Variants in PLCG2 observed in about 807,000 individuals in gnomAD.
PLCG2 encodes 1-phosphatidylinositol 4,5-bisphosphate phosphodiesterase gamma-2.
PLCG2 carries 69 observed loss-of-function variants against 175.6 expected under a neutral mutation model. That is an observed-to-expected ratio of 0.39 (90% CI 0.32 to 0.48). The LOEUF is 0.48. Among genes scored for constraint, PLCG2 ranks in the 20% least tolerant of loss-of-function variants. The pLI, the probability that PLCG2 is intolerant of heterozygous loss-of-function variation, is 0.91. For synonymous variants in PLCG2, 827 were observed against 624.0 expected (o/e 1.33, Z -4.85); for missense variants, 1,798 against 1,650.9 (o/e 1.09, Z -1.54).
intron 31 of PLCG2, among the ~76,000 whole-genome samples, chr16:81,952,228 G>A (rs533877385): frequency 6.6e-6 from 1 of 151,996 alleles, no homozygotes; most frequent in Non-Finnish European, 1.5e-5. Flanking sequence ...GATTGGAATT[G>A]GAGGTATCAA....
chr16:81,871,165 C>G (rs1907495058), intron 7 of PLCG2, among the ~76,000 whole-genome samples: 1 of 152,120 alleles, frequency 6.6e-6, no homozygotes, highest in Admixed American at 6.5e-5. Flanking sequence ...ATATGCCTTC[C>G]TGGTGGAAAT....
intron 9 of PLCG2, among the ~76,000 whole-genome samples, chr16:81,885,331 A>AT (rs34595643): frequency 0.69 from 104,654 of 151,874 alleles, 36,123 homozygotes; most frequent in Admixed American, 0.74. Flanking sequence ...GCCCCGACTA[A>AT]TTTTGTATCT....
At chr16:81,739,552 C>A in intron 1 of PLCG2, 1 of 152,442 alleles carries the variant, frequency 6.6e-6, no homozygotes. Context: ...AGCTGCTCCC[C>A]CGTACTCCTC....
chr16:81,891,288 C>T (rs76995312), intron 10 of PLCG2, among the ~76,000 whole-genome samples, 184 bp from the exon 11 acceptor site: 3 of 152,096 alleles, frequency 2.0e-5, no homozygotes, highest in African/African-American at 4.8e-5. Context: ...ACAAATATGT[C>T]GCTGCAGCCC....
At position 81,960,862 on chromosome 16, in the gene PLCG2, G is replaced by A. The variant is rs991633646; in HGVS notation, c.*2864G>A. The A allele has an allele frequency of 3.9e-5, 9 of 229,882 alleles. No homozygotes were observed. In the East Asian group the frequency reaches 5.6e-4, roughly 14 times the overall value. 14.2% of individuals were successfully genotyped at this position (229,882 alleles called of 1,614,324 possible). A position where few individuals can be genotyped will look rare whatever the true frequency, so the allele number is the denominator to read the frequency against. On this transcript the variant is annotated 3_prime_UTR_variant, in exon 33 of 33. Coordinates refer to ENST00000564138, the MANE Select transcript of PLCG2 (RefSeq NM_002661.5). The stretch of plus-strand genomic sequence containing the variant: ...TACACAGACTCCAGTACTCTCAGGG[G>A]AGCAGTGTTCAGAGCCTCATCTTCC...
At chr16:81,838,377 G>A (rs561649728) in intron 2 of PLCG2, among the ~76,000 whole-genome samples, 5 of 152,250 alleles carry the variant, frequency 3.3e-5, no homozygotes, top group East Asian at 3.9e-4. Context: ...ATGAGCCGCC[G>A]TTGCCAGCCT....
chr16:81,866,258 C>G (rs1907229378), intron 5 of PLCG2, among the ~76,000 whole-genome samples: 1 of 132,310 alleles, frequency 7.6e-6, no homozygotes, highest in Non-Finnish European at 1.6e-5. Context: ...ATGAGCTCCA[C>G]TGGGGCACCA....
chr16:81,834,525 G>A (rs1374060582), intron 2 of PLCG2, among the ~76,000 whole-genome samples: 1 of 152,154 alleles, frequency 6.6e-6, no homozygotes, highest in Non-Finnish European at 1.5e-5. Flanking sequence ...TAGGGCTTTG[G>A]GAGAGACCGC....
In PLCG2 at chr16:81,789,967, A is replaced by G. The variant is rs1449708146; in HGVS notation, c.193+3785A>G. Among the ~76,000 whole-genome samples, 27 of 151,832 alleles carry G rather than the reference A, an allele frequency of 1.8e-4. 1 individual carries two copies. Among genetic ancestry groups the G allele is most frequent in the Admixed American group, 1.8e-3 (27 of 15,232 alleles). On this transcript the variant is annotated intron_variant, in intron 2 of 32. Transcript: ENST00000564138. ...TCCGTGGAGCCTATATTGCTTTATTAGGTATGAGCAGTCTGGGGCTTGACT... is the reference window on the plus strand; with the variant it reads ...TCCGTGGAGCCTATATTGCTTTATTGGGTATGAGCAGTCTGGGGCTTGACT...
chr16:81,863,795 C>G (rs1156789831), intron 5 of PLCG2, among the ~76,000 whole-genome samples: 1 of 152,258 alleles, frequency 6.6e-6, no homozygotes, highest in Non-Finnish European at 1.5e-5. Flanking sequence ...AGAATGTGCA[C>G]TTCCCTTTGT....
chr16:81,897,191 T>G (rs887613427), intron 13 of PLCG2, among the ~76,000 whole-genome samples: 1 of 152,228 alleles, frequency 6.6e-6, no homozygotes, highest in African/African-American at 2.4e-5. Context: ...GACTCCTGGT[T>G]TGGGTTCCTT....
rs537120662 is a variant in PLCG2, at chr16:81,945,677, T to C, written c.3482-498T>C. Among the ~76,000 whole-genome samples, 171 of 152,296 alleles carry C rather than the reference T, an allele frequency of 1.1e-3. 5 individuals carry two copies. In the South Asian group the frequency reaches 0.034, roughly 30 times the overall value. On this transcript the variant is annotated intron_variant, in intron 30 of 32. Coordinates refer to ENST00000564138, the MANE Select transcript of PLCG2 (RefSeq NM_002661.5). Reference sequence around the variant, plus strand: ...ACAGGTCCTAATTGTAAAGAGGGAATGGCTTTAGGAGGAGGAAGATCAATA... The same window carrying C: ...ACAGGTCCTAATTGTAAAGAGGGAACGGCTTTAGGAGGAGGAAGATCAATA...
At position 81,751,928 on chromosome 16, in the gene PLCG2, G is replaced by A. The variant is rs1297444671; in HGVS notation, c.-144-3942G>A. Among the ~76,000 whole-genome samples, 18 of 151,970 alleles carry A rather than the reference G, an allele frequency of 1.2e-4. 1 individual carries two copies. The highest frequency in any genetic ancestry group is 1.2e-3 in the Admixed American group (18 of 15,240). Reference sequence around the variant, plus strand: ...TCTTAGCTACTCGGGAGGCTGAGGTGGGAGATTTGCTTGAGCCTGGGAGGC... The same window carrying A: ...TCTTAGCTACTCGGGAGGCTGAGGTAGGAGATTTGCTTGAGCCTGGGAGGC... On this transcript the variant is annotated intron_variant, in intron 1 of 5. Coordinates refer to the PLCG2 transcript ENST00000565054.
rs142277407 is a variant in PLCG2, at chr16:81,847,477, C to T, written c.194-6967C>T. On this transcript the variant is annotated intron_variant, in intron 2 of 32. Transcript: ENST00000564138. ...CAACCCTCTAATCACATCGTTGGTTCCCCTGGCAGCCAACCTTCATCCTGA... is the reference window on the plus strand; with the variant it reads ...CAACCCTCTAATCACATCGTTGGTTTCCCTGGCAGCCAACCTTCATCCTGA... Among the ~76,000 whole-genome samples the T allele has an allele frequency of 5.9e-5, 9 of 152,116 alleles. No homozygotes were observed. In the East Asian group the frequency reaches 1.7e-3, roughly 29 times the overall value.
In PLCG2 at chr16:81,959,436, A is replaced by G. The variant is rs756060760; in HGVS notation, c.*1438A>G. 6 of 220,204 alleles carry G rather than the reference A, an allele frequency of 2.7e-5. No homozygotes were observed. Among genetic ancestry groups the G allele is most frequent in the Non-Finnish European group, 4.5e-5 (5 of 109,960 alleles). The allele number at this position is 220,204 out of a possible 1,614,324, so 13.6% of individuals were successfully genotyped here. A position where few individuals can be genotyped will look rare whatever the true frequency, so the allele number is the denominator to read the frequency against. The stretch of plus-strand genomic sequence containing the variant: ...CCTCCACATGCCAAATACAGTGCCA[A>G]GATTTGGGGGTGTGGATGTTTAAAC... On this transcript the variant is annotated 3_prime_UTR_variant, in exon 33 of 33. Coordinates refer to ENST00000564138, the MANE Select transcript of PLCG2 (RefSeq NM_002661.5).
rs1249495494 is a variant in PLCG2 at position 81,919,651 on chromosome 16, A to T, written c.2222A>T (p.Glu741Val). The T allele has an allele frequency of 6.2e-7, 1 of 1,613,618 alleles. No individual in the cohort carries two copies. ...LRYPVTPELLERYNMERDINS... is the reference protein window; with the variant it reads ...LRYPVTPELLVRYNMERDINS... ...TACCCCGTGACCCCCGAGCTCCTGG[A>T]GCGCTACAATATGGTAGGTGGTGGA... The change falls in exon 20 of 33, where the codon GAG (glutamate) becomes GTG (valine). Residue 741 changes from glutamate (E) to valine (V), a missense_variant. Coordinates refer to ENST00000564138, the MANE Select transcript of PLCG2 (RefSeq NM_002661.5).
chr16:81,782,424 G>A (rs994475743), intron 1 of PLCG2, among the ~76,000 whole-genome samples: 1 of 151,950 alleles, frequency 6.6e-6, no homozygotes, highest in Admixed American at 6.6e-5. Flanking sequence ...AAAAGCAGAA[G>A]CAAAATGGAA....
chr16:81,851,867 G>T (rs931327446), intron 2 of PLCG2, among the ~76,000 whole-genome samples: 1 of 152,164 alleles, frequency 6.6e-6, no homozygotes, highest in African/African-American at 2.4e-5. Flanking sequence ...CTAGACCCAC[G>T]GTAAGAACTC....
chr16:81,839,757 G>A (rs1344603690), intron 2 of PLCG2, among the ~76,000 whole-genome samples: 1 of 152,192 alleles, frequency 6.6e-6, no homozygotes, highest in African/African-American at 2.4e-5. Context: ...GCACCAAAAT[G>A]ATGAACATTT....
Sources: gnomAD v4.1 joint callset for allele counts (sites outside exome capture counted in the v4.1 genomes callset) on GRCh38, gnomAD v4.1.1 for gene constraint, MANE v1.5 for transcripts, NCBI Gene and HGNC (gene_info 2026-07-23, HGNC 2026-07-21) for gene names.